Variants in PPP4R3A observed in about 807,000 individuals in gnomAD.
PPP4R3A encodes serine/threonine-protein phosphatase 4 regulatory subunit 3A.
Under a neutral mutation model 91.7 loss-of-function variants are expected in PPP4R3A, and 15 were observed. The observed-to-expected ratio is 0.16, with a 90% CI of 0.11 to 0.25. The LOEUF is 0.25. Ranked by LOEUF, PPP4R3A falls within the 10% of genes least tolerant of loss-of-function variation. PPP4R3A has a pLI of 1.00. For missense variants in PPP4R3A, 623 were observed against 998.4 expected (o/e 0.62, Z 5.07); for synonymous variants, 377 against 348.7 (o/e 1.08, Z -0.91).
chr14:91,459,534 T>C (rs2140057793), intron 14 of PPP4R3A, among the ~76,000 whole-genome samples: 1 of 152,210 alleles, frequency 6.6e-6, no homozygotes, highest in Non-Finnish European at 1.5e-5. Flanking sequence ...TCTAAAATAG[T>C]ATAAAAATGA....
intron 10 of PPP4R3A, among the ~76,000 whole-genome samples, chr14:91,468,568 C>G (rs999855604): frequency 5.7e-5 from 8 of 140,650 alleles, no homozygotes; most frequent in Middle Eastern, 7.3e-3. Context: ...ACTCAGGAGG[C>G]TGAGGCAGGA....
At chr14:91,495,610 T>G (rs954814036) in intron 1 of PPP4R3A, among the ~76,000 whole-genome samples, 1 of 152,124 alleles carries the variant, frequency 6.6e-6, no homozygotes, top group African/African-American at 2.4e-5. Flanking sequence ...ATTGTGGTGA[T>G]GGTTGCAAAC....
At chr14:91,459,146 C>G (rs1887964398) in intron 14 of PPP4R3A, among the ~76,000 whole-genome samples, 1 of 152,050 alleles carries the variant, frequency 6.6e-6, no homozygotes, top group Non-Finnish European at 1.5e-5. Flanking sequence ...GCTATGTCAC[C>G]CAGGCTGGAG....
Position 91,470,690 on chromosome 14 carries a change from A to G in PPP4R3A, c.1660+147T>C, listed in dbSNP as rs567401149. The G allele has an allele frequency of 4.7e-6, 4 of 842,122 alleles. No homozygotes were observed. In the African/African-American group the frequency reaches 7.0e-5, roughly 15 times the overall value. The allele number at this position is 842,122 out of a possible 1,614,324, so 52.2% of individuals were successfully genotyped here. On this transcript the variant is annotated intron_variant, in intron 10 of 14. Transcript: ENST00000554943. ...GAGTCAAGAAAAACACCTGCTCAAC[A>G]TGGCAAACCTGCATAATCAGTGGCA...
intron 4 of PPP4R3A, 120 bp from the exon 5 acceptor site, chr14:91,477,106 CTG>C: frequency 5.7e-6 from 3 of 524,842 alleles, no homozygotes; most frequent in Non-Finnish European, 8.4e-6. Context: ...ATTGGCAATG[CTG>C]TCTTTTTTTT....
At chr14:91,496,101 A>G (rs1275389618) in intron 1 of PPP4R3A, among the ~76,000 whole-genome samples, 2 of 152,330 alleles carry the variant, frequency 1.3e-5, no homozygotes, top group African/African-American at 4.8e-5. Flanking sequence ...TTCAATTTAC[A>G]CAAAGCTCAC....
At chr14:91,467,369 C>T (rs1255606343) in intron 10 of PPP4R3A, among the ~76,000 whole-genome samples, 1 of 152,204 alleles carries the variant, frequency 6.6e-6, no homozygotes, top group African/African-American at 2.4e-5. Context: ...ATGTAAAGCA[C>T]ATTCTGCTTC....
chr14:91,482,164 G>T lies in PPP4R3A; in HGVS notation c.327C>A (p.Ile109=). 3 of 1,612,144 alleles carry T rather than the reference G, an allele frequency of 1.9e-6. No individual in the cohort carries two copies. Among genetic ancestry groups the T allele is most frequent in the Non-Finnish European group, 2.5e-6 (3 of 1,179,196 alleles). The part of the protein sequence containing the change: ...QVQGKDPSVD[I]TQDLVDESEE... ...CAGATTCATCCACAAGGTCCTGAGTGATGTCCACGGAAGGGTCCTTTCCTT... is the reference window on the plus strand; with the variant it reads ...CAGATTCATCCACAAGGTCCTGAGTTATGTCCACGGAAGGGTCCTTTCCTT... The change falls in exon 4 of 15, where the codon ATC becomes ATA. Residue 109 remains isoleucine, a synonymous_variant. Transcript: ENST00000554943.
chr14:91,506,574 G>C (rs560634159), intron 1 of PPP4R3A, among the ~76,000 whole-genome samples: 14 of 152,228 alleles, frequency 9.2e-5, no homozygotes, highest in South Asian at 4.1e-4. Flanking sequence ...GTGTGTTTGT[G>C]TGTGACAGGG....
Position 91,462,217 on chromosome 14 carries a change from G to C in PPP4R3A, c.1996C>G (p.His666Asp). 6.3e-7 allele frequency: 1 copy of C among 1,592,444 alleles called. No homozygotes were observed. The highest frequency in any genetic ancestry group is 8.5e-7 in the Non-Finnish European group (1 of 1,173,302). Residue 666 changes from histidine (H) to aspartate (D), a missense_variant, in exon 13 of 15, where the codon CAC (histidine) becomes GAC (aspartate). His to Asp is a moderately conservative substitution (Grantham distance 81). Coordinates refer to ENST00000554943, the MANE Select transcript of PPP4R3A (RefSeq NM_001366432.2). ...LDSMRSILRN[H>D]RYRRDARTLE... ...GTTCTGGCATCTCTTCGATATCTGTGATTCCTCAAAATGGAACGCATACTA... is the reference window on the plus strand; with the variant it reads ...GTTCTGGCATCTCTTCGATATCTGTCATTCCTCAAAATGGAACGCATACTA...
chr14:91,474,963 T>G (rs1363324543), intron 7 of PPP4R3A: 2 of 152,194 alleles, frequency 1.3e-5, no homozygotes. Context: ...CATTTCCTTT[T>G]GACATCACAA....
chr14:91,493,068 T>C (rs936735499), intron 1 of PPP4R3A, among the ~76,000 whole-genome samples: 1 of 151,638 alleles, frequency 6.6e-6, no homozygotes, highest in Admixed American at 6.6e-5. Context: ...TCTGCAAACA[T>C]AAAATAACAA....
chr14:91,465,374 A>G lies in PPP4R3A; in HGVS notation c.1706T>C (p.Phe569Ser). 6.2e-7 allele frequency: 1 copy of G among 1,602,580 alleles called. No individual in the cohort carries two copies. Among genetic ancestry groups the G allele is most frequent in the Non-Finnish European group, 8.5e-7 (1 of 1,177,170 alleles). ...ACTTTTCATTATGTAGCGGTTGTAA[A>G]ACTCATCTTTTAATCCAATAATCTT... Reference protein sequence around the residue: ...KRKIIGLKDEFYNRYIMKSFL... With the variant: ...KRKIIGLKDESYNRYIMKSFL... The change falls in exon 11 of 15, where the codon TTT becomes TCT. Residue 569 changes from phenylalanine to serine, a missense_variant. Phe to Ser is a radical substitution (Grantham distance 155). Transcript: ENST00000554943.
chr14:91,459,904 C>A (rs946339239), intron 14 of PPP4R3A, among the ~76,000 whole-genome samples: 5 of 151,832 alleles, frequency 3.3e-5, no homozygotes, highest in African/African-American at 1.2e-4. Context: ...GGTAGACAGG[C>A]TTTTTCTATT....
chr14:91,502,061 T>G (rs1194751593), intron 1 of PPP4R3A, among the ~76,000 whole-genome samples: 2 of 151,936 alleles, frequency 1.3e-5, no homozygotes, highest in African/African-American at 4.8e-5. Context: ...AGGTATGTGC[T>G]CCAAGTCCTT....
At chr14:91,494,883 C>T (rs1489383808) in intron 1 of PPP4R3A, among the ~76,000 whole-genome samples, 2 of 152,068 alleles carry the variant, frequency 1.3e-5, no homozygotes, top group Non-Finnish European at 2.9e-5. Flanking sequence ...AAAACCAAAA[C>T]CACAAATGAG....
chr14:91,475,852 C>T lies in PPP4R3A; in HGVS notation c.1225G>A (p.Asp409Asn), dbSNP rs1376958785. 4 of 1,613,740 alleles carry T rather than the reference C, an allele frequency of 2.5e-6. No homozygotes were observed. The highest frequency in any genetic ancestry group is 3.3e-4 in the Middle Eastern group (2 of 6,058). ...FVMQEAQQND[D>N]VSKKLTEQKI... ...TGCTCTGTTAACTTCTTACTTACAT[C>T]ATCATTCTGTTGTGCCTCCTGCATG... The change falls in exon 7 of 15, where the codon GAT (aspartate) becomes AAT (asparagine). Residue 409 changes from aspartate to asparagine, a missense_variant. Physicochemically the swap from Asp to Asn is conservative, Grantham distance 23 (BLOSUM62 1). Coordinates refer to ENST00000554943, the MANE Select transcript of PPP4R3A (RefSeq NM_001366432.2).
chr14:91,472,960 G>C, intron 9 of PPP4R3A, 73 bp downstream of exon 9: 1 of 1,402,560 alleles, frequency 7.1e-7, no homozygotes, highest in South Asian at 1.2e-5. Flanking sequence ...CTCCTAAAAA[G>C]ACTGACTTAA....
intron 1 of PPP4R3A, among the ~76,000 whole-genome samples, chr14:91,497,341 T>TACAC (rs10542688): frequency 0.042 from 6,290 of 148,408 alleles, 217 homozygotes; most frequent in East Asian, 0.19. Flanking sequence ...ATCTTTTATT[T>TACAC]ACACACACAC....
Sources: gnomAD v4.1 joint callset for allele counts (sites outside exome capture counted in the v4.1 genomes callset) on GRCh38, gnomAD v4.1.1 for gene constraint, MANE v1.5 for transcripts, NCBI Gene and HGNC (gene_info 2026-07-23, HGNC 2026-07-21) for gene names.